C11orf65: variants seen among roughly 807,000 people sequenced by gnomAD.
The protein encoded by C11orf65 is protein MFI.
C11orf65 carries 38 observed loss-of-function variants against 35.3 expected under a neutral mutation model. The observed-to-expected ratio is 1.08, with a 90% CI of 0.83 to 1.41. The LOEUF (loss-of-function observed/expected upper bound fraction) is 1.41, where lower values mean the gene tolerates loss of function less well. Ranked by LOEUF, C11orf65 falls within the 40% of genes most tolerant of loss-of-function variation. C11orf65 has a pLI of 0.00. For synonymous variants in C11orf65, 105 were observed against 114.4 expected (o/e 0.92, Z 0.53); for missense variants, 370 against 367.1 (o/e 1.01, Z -0.06).
chr11:108,419,940 T>C lies in C11orf65; in HGVS notation c.174+11806A>G, dbSNP rs75782805. Reference sequence around the variant, plus strand: ...CAAGAAAAAGAAATAAAATGTATCATGTTTGAAAAGGCAAAAACAAAACTC... The same window carrying C: ...CAAGAAAAAGAAATAAAATGTATCACGTTTGAAAAGGCAAAAACAAAACTC... On this transcript the variant is annotated intron_variant, in intron 3 of 8. Transcript: ENST00000393084. 2.5e-3 allele frequency among the ~76,000 whole-genome samples: 388 copies of C among 152,310 alleles called. 3 individuals are homozygous for C. The highest frequency in any genetic ancestry group is 9.0e-3 in the African/African-American group (375 of 41,582).
chr11:108,399,440 C>T (rs1010134958), intron 6 of C11orf65, among the ~76,000 whole-genome samples: 1 of 152,138 alleles, frequency 6.6e-6, no homozygotes, highest in African/African-American at 2.4e-5. Context: ...CAAGTTGTGC[C>T]CACTGGAAGG....
chr11:108,365,246 T>C (rs1565608400), intron 2 of C11orf65: 1 of 1,614,202 alleles, frequency 6.2e-7, no homozygotes, highest in East Asian at 2.2e-5. Context: ...AAGGTCCTGT[T>C]GTCAGTTTTT....
intron 2 of C11orf65, among the ~76,000 whole-genome samples, chr11:108,438,662 A>G (rs552700192): frequency 6.6e-6 from 1 of 152,286 alleles, no homozygotes; most frequent in South Asian, 2.1e-4. Context: ...TTTCTTGGAT[A>G]TAACACCAAA....
chr11:108,312,548 G>A (rs1473913814), intron 6 of C11orf65: 2 of 1,385,450 alleles, frequency 1.4e-6, no homozygotes, highest in African/African-American at 2.9e-5. Context: ...CTCATACTTT[G>A]GGTTATTTTG....
chr11:108,438,632 G>A (rs1192792920), intron 2 of C11orf65, among the ~76,000 whole-genome samples: 1 of 151,998 alleles, frequency 6.6e-6, no homozygotes, highest in East Asian at 1.9e-4. Flanking sequence ...AAAGCTTCAT[G>A]ACGTTGGATT....
intron 2 of C11orf65, among the ~76,000 whole-genome samples, chr11:108,437,791 A>G (rs1328134062): frequency 6.7e-6 from 1 of 149,612 alleles, no homozygotes; most frequent in Non-Finnish European, 1.5e-5. Flanking sequence ...TGGAAGCCTT[A>G]GTATTGTTAA....
chr11:108,368,827 G>C (rs1267211068), intron 2 of C11orf65: 1 of 203,646 alleles, frequency 4.9e-6, no homozygotes. Flanking sequence ...TGCCTAAAAT[G>C]TATGCACTTA....
chr11:108,420,149 A>C (rs969534949), intron 3 of C11orf65, among the ~76,000 whole-genome samples: 2 of 152,220 alleles, frequency 1.3e-5, no homozygotes, highest in South Asian at 2.1e-4. Context: ...CATTTATAGG[A>C]GCATTAAAAA....
At chr11:108,453,842 A>G (rs2093381407) in intron 2 of C11orf65, among the ~76,000 whole-genome samples, 1 of 152,218 alleles carries the variant, frequency 6.6e-6, no homozygotes, top group African/African-American at 2.4e-5. Flanking sequence ...TATGTTCATC[A>G]GGGGCATTAG....
rs143902118 is a variant in C11orf65 at position 108,321,776 on chromosome 11, G to T, written c.641-12705C>A. ...GATTCCAGCCTGGGCAACAGAGCGA[G>T]ACTCTGTCTCAAAAAAAAAAAAAAC... On this transcript the variant is annotated intron_variant, in intron 6 of 6. Transcript: ENST00000525729. Among the ~76,000 whole-genome samples, 369 of 150,924 alleles carry T rather than the reference G, an allele frequency of 2.4e-3. 7 individuals are homozygous for T. The East Asian group carries it at 0.069, about 28-fold the overall frequency.
intron 2 of C11orf65, among the ~76,000 whole-genome samples, chr11:108,446,521 C>A (rs571618771): frequency 9.8e-4 from 149 of 151,754 alleles, no homozygotes; most frequent in African/African-American, 3.3e-3. Flanking sequence ...AATTTCATAT[C>A]CAGCCAAACT....
At chr11:108,315,046 G>T (rs1478240889) in intron 6 of C11orf65, among the ~76,000 whole-genome samples, 1 of 152,112 alleles carries the variant, frequency 6.6e-6, no homozygotes, top group Non-Finnish European at 1.5e-5. Flanking sequence ...CAGCCACTGT[G>T]GTGTTAATCA....
chr11:108,386,815 C>T (rs546962815), intron 7 of C11orf65, among the ~76,000 whole-genome samples: 3 of 152,266 alleles, frequency 2.0e-5, no homozygotes, highest in Admixed American at 1.3e-4. Flanking sequence ...GGCGCAGTGG[C>T]TCACACCTGT....
chr11:108,374,315 G>A (rs892653820), intron 2 of C11orf65, among the ~76,000 whole-genome samples: 2 of 152,182 alleles, frequency 1.3e-5, no homozygotes, highest in African/African-American at 4.8e-5. Context: ...TCAGACAGCA[G>A]CATTCGCGGT....
At chr11:108,388,849 A>G (rs909674195) in intron 7 of C11orf65, among the ~76,000 whole-genome samples, 4 of 152,226 alleles carry the variant, frequency 2.6e-5, no homozygotes, top group Admixed American at 6.5e-5. Context: ...ATAGCTCTGG[A>G]TACAGGAATT....
chr11:108,464,771 G>A (rs561194983), intron 1 of C11orf65, among the ~76,000 whole-genome samples: 3 of 152,150 alleles, frequency 2.0e-5, no homozygotes, highest in Non-Finnish European at 4.4e-5. Context: ...GGAAAGGGAA[G>A]AGATGTTTTT....
intron 6 of C11orf65, among the ~76,000 whole-genome samples, chr11:108,319,101 C>T (rs1488146690): frequency 6.6e-6 from 1 of 151,760 alleles, no homozygotes; most frequent in Non-Finnish European, 1.5e-5. Flanking sequence ...CCCTTGAGCC[C>T]AGGAGGTGGA....
intron 6 of C11orf65, among the ~76,000 whole-genome samples, chr11:108,313,247 C>G (rs1265528329): frequency 6.6e-6 from 1 of 152,174 alleles, no homozygotes; most frequent in Non-Finnish European, 1.5e-5. Context: ...TCCCTCTGAA[C>G]TATGTTCTGA....
At chr11:108,331,838 TTTTG>T (rs749641521) in intron 3 of C11orf65, 36 of 1,594,528 alleles carry the variant, frequency 2.3e-5, no homozygotes, top group South Asian at 2.1e-4. Context: ...GATTATATTT[TTTTG>T]TTTATTTGCA....
Sources: allele counts gnomAD v4.1 joint callset (sites outside exome capture counted in the v4.1 genomes callset), GRCh38; gene constraint gnomAD v4.1.1; transcripts MANE v1.5; gene names NCBI Gene and HGNC (gene_info 2026-07-23, HGNC 2026-07-21).